Variants in RBFOX1 observed in about 807,000 individuals in gnomAD.
RBFOX1 encodes the protein RNA binding fox-1 homolog 1.
In RBFOX1, 8 loss-of-function variants were observed where a neutral mutation model predicts 57.7. The observed-to-expected ratio is 0.14, with a 90% CI of 0.08 to 0.25. The LOEUF is 0.25. RBFOX1 is among the 10% of genes least tolerant of loss of function. The probability of loss-of-function intolerance (pLI) is 1.00; values close to 1 mark genes in which losing one functional copy is unlikely to be tolerated. For synonymous variants in RBFOX1, 326 were observed against 222.4 expected, an observed-to-expected ratio of 1.47 and a Z score of -4.15; for missense variants, 611 against 548.5, an observed-to-expected ratio of 1.11 and a Z score of -1.14.
chr16:7,703,515 C>G (rs117824100), intron 14 of RBFOX1, among the ~76,000 whole-genome samples: 1 of 152,124 alleles, frequency 6.6e-6, no homozygotes, highest in South Asian at 2.1e-4. Flanking sequence ...AGGGCATAAA[C>G]GCTCCTCATC....
chr16:6,774,713 T>G (rs2079024398), intron 3 of RBFOX1, among the ~76,000 whole-genome samples: 2 of 151,870 alleles, frequency 1.3e-5, no homozygotes, highest in South Asian at 4.2e-4. Flanking sequence ...TATTATAATT[T>G]TATAATACTA....
chr16:5,399,799 A>G lies in RBFOX1; in HGVS notation c.220-67417A>G, dbSNP rs999533918. On this transcript the variant is annotated intron_variant, in intron 1 of 2. Coordinates refer to the RBFOX1 transcript ENST00000585867. ...TAAGTCATGACATAATCTCATCCCC[A>G]GTTTTGTCCATCTGTCTATCCCTTA... Among the ~76,000 whole-genome samples, 5 of 151,722 alleles carry G rather than the reference A, an allele frequency of 3.3e-5. No homozygotes were observed. The South Asian group carries it at 8.3e-4, about 25-fold the overall frequency.
chr16:6,577,695 A>G (rs1407524434), intron 2 of RBFOX1, among the ~76,000 whole-genome samples: 1 of 152,158 alleles, frequency 6.6e-6, no homozygotes, highest in Admixed American at 6.5e-5. Flanking sequence ...GTCCACCTGG[A>G]TGTCTCACAG....
intron 2 of RBFOX1, among the ~76,000 whole-genome samples, chr16:6,414,563 A>G (rs1174929111): frequency 6.6e-6 from 1 of 152,196 alleles, no homozygotes; most frequent in Non-Finnish European, 1.5e-5. Context: ...AAAATAAAGT[A>G]CTGTGTAAGT....
chr16:7,624,128 C>T (rs577182644), intron 10 of RBFOX1, among the ~76,000 whole-genome samples: 2 of 152,046 alleles, frequency 1.3e-5, no homozygotes, highest in East Asian at 3.9e-4. Context: ...CTTTGTAATG[C>T]CAGTAAAGGA....
intron 4 of RBFOX1, among the ~76,000 whole-genome samples, chr16:5,912,822 G>T (rs531843186): frequency 1.3e-5 from 2 of 152,292 alleles, no homozygotes; most frequent in South Asian, 4.1e-4. Flanking sequence ...GTTTGGCGAT[G>T]AAAGTGAAGT....
intron 2 of RBFOX1, among the ~76,000 whole-genome samples, chr16:6,423,184 C>CCAGTCTGTTGGGTG (rs2093824713): frequency 6.6e-6 from 1 of 152,232 alleles, no homozygotes; most frequent in Admixed American, 6.5e-5. Flanking sequence ...CAACACCCAA[C>CCAGTCTGTTGGGTG]TTTCTCTGAT....
At chr16:6,550,495 T>G (rs2096970352) in intron 2 of RBFOX1, among the ~76,000 whole-genome samples, 1 of 152,072 alleles carries the variant, frequency 6.6e-6, no homozygotes, top group South Asian at 2.1e-4. Flanking sequence ...CCACCTAATT[T>G]TCGTGTTTTC....
At chr16:7,053,792 C>G (rs558488068) in intron 4 of RBFOX1, among the ~76,000 whole-genome samples, 5 of 152,172 alleles carry the variant, frequency 3.3e-5, no homozygotes, top group African/African-American at 9.7e-5. Context: ...CCAAGTATGG[C>G]TCCAATAGCC....
At chr16:6,333,304 C>T (rs990175158) in intron 2 of RBFOX1, among the ~76,000 whole-genome samples, 1 of 152,218 alleles carries the variant, frequency 6.6e-6, no homozygotes, top group Admixed American at 6.5e-5. Context: ...CTCAGCACCC[C>T]AAAGCGCTGG....
At chr16:6,146,576 C>T (rs1232610239) in intron 1 of RBFOX1, among the ~76,000 whole-genome samples, 2 of 152,108 alleles carry the variant, frequency 1.3e-5, no homozygotes, top group African/African-American at 2.4e-5. Context: ...CTGGCATTTT[C>T]TGCTTTTAGA....
At chr16:6,476,037 T>A (rs1158618733) in intron 2 of RBFOX1, among the ~76,000 whole-genome samples, 1 of 152,166 alleles carries the variant, frequency 6.6e-6, no homozygotes, top group Non-Finnish European at 1.5e-5. Flanking sequence ...TTGAAGGTTT[T>A]ATCATCCAGC....
intron 2 of RBFOX1, among the ~76,000 whole-genome samples, chr16:6,583,424 GC>G (rs2097565003): frequency 6.6e-6 from 1 of 152,244 alleles, no homozygotes; most frequent in Non-Finnish European, 1.5e-5. Context: ...TTAAACAACT[GC>G]AATGTTAAGT....
intron 1 of RBFOX1, among the ~76,000 whole-genome samples, chr16:5,245,701 G>T (rs897430197): frequency 1.1e-4 from 17 of 151,936 alleles, no homozygotes; most frequent in African/African-American, 3.1e-4. Flanking sequence ...CAAAGTGCTG[G>T]GATTATAGGC....
chr16:5,462,168 CTT>C (rs1250754827), intron 1 of RBFOX1, among the ~76,000 whole-genome samples: 6,217 of 40,542 alleles, frequency 0.15, 196 homozygotes, highest in East Asian at 0.29. Flanking sequence ...TTCTTTCTTT[CTT>C]TTTTTTTTTT....
intron 3 of RBFOX1, among the ~76,000 whole-genome samples, chr16:6,886,113 G>A (rs1401463891): frequency 1.3e-5 from 2 of 150,110 alleles, no homozygotes; most frequent in African/African-American, 2.5e-5. Flanking sequence ...CCAGGCTGGA[G>A]TGCAGTGACG....
At chr16:7,360,772 C>G (rs150894027) in intron 4 of RBFOX1, among the ~76,000 whole-genome samples, 1 of 152,246 alleles carries the variant, frequency 6.6e-6, no homozygotes, top group Non-Finnish European at 1.5e-5. Flanking sequence ...CTGTGTTGGC[C>G]AAGTCTTCTT....
intron 2 of RBFOX1, among the ~76,000 whole-genome samples, chr16:5,530,348 G>T (rs1226099859): frequency 2.0e-5 from 3 of 152,126 alleles, no homozygotes; most frequent in Non-Finnish European, 4.4e-5. Flanking sequence ...TAAGCTTCTA[G>T]AACCCCATTT....
At chr16:6,695,384 C>G (rs985169631) in intron 3 of RBFOX1, among the ~76,000 whole-genome samples, 2 of 135,890 alleles carry the variant, frequency 1.5e-5, no homozygotes, top group East Asian at 4.5e-4. Flanking sequence ...CCGCTTCACT[C>G]CAGCCTGAGA....
Sources: gnomAD v4.1 joint callset for allele counts (sites outside exome capture counted in the v4.1 genomes callset) on GRCh38, gnomAD v4.1.1 for gene constraint, MANE v1.5 for transcripts, NCBI Gene and HGNC (gene_info 2026-07-23, HGNC 2026-07-21) for gene names.